The following SUSD4 variants were observed in gnomAD, a reference collection of about 807,000 sequenced individuals.
SUSD4 encodes sushi domain containing 4.
Under a neutral mutation model 50.5 loss-of-function variants are expected in SUSD4, and 41 were observed. The ratio of observed to expected loss-of-function variants is 0.81; its 90% CI spans 0.63 to 1.05. SUSD4 has a LOEUF of 1.05. SUSD4 is among the 50% of genes least tolerant of loss of function. SUSD4 has a pLI of 0.00. For missense variants in SUSD4, 580 were observed against 634.7 expected, an observed-to-expected ratio of 0.91 and a Z score of 0.93; for synonymous variants, 257 against 257.3, an observed-to-expected ratio of 1.00 and a Z score of 0.01.
chr1:223,240,207 T>G (rs1024218000), intron 5 of SUSD4, among the ~76,000 whole-genome samples: 1 of 152,074 alleles, frequency 6.6e-6, no homozygotes, highest in Non-Finnish European at 1.5e-5. Flanking sequence ...CTTTCAGAAT[T>G]TTTTTATTTT....
chr1:223,337,997 T>C (rs1462390798), intron 2 of SUSD4, among the ~76,000 whole-genome samples: 2 of 152,246 alleles, frequency 1.3e-5, no homozygotes, highest in African/African-American at 4.8e-5. Flanking sequence ...AGCTATTTTT[T>C]ATTTCTTTAA....
chr1:223,233,443 C>G (rs182061993), intron 5 of SUSD4, among the ~76,000 whole-genome samples: 6 of 152,258 alleles, frequency 3.9e-5, no homozygotes, highest in African/African-American at 1.4e-4. Flanking sequence ...GCTTAGGGGA[C>G]TTCCACCTCT....
chr1:223,304,140 G>A (rs991606518), intron 2 of SUSD4, among the ~76,000 whole-genome samples: 3 of 152,166 alleles, frequency 2.0e-5, no homozygotes, highest in African/African-American at 4.8e-5. Context: ...TCATGCGTCC[G>A]TTTATAGGCT....
chr1:223,224,210 G>C (rs560818892), intron 7 of SUSD4, among the ~76,000 whole-genome samples: 2 of 152,292 alleles, frequency 1.3e-5, no homozygotes, highest in African/African-American at 4.8e-5. Context: ...GGTGGCACGT[G>C]CCTGTAGCCC....
Position 223,228,914 on chromosome 1 carries a change from G to A in SUSD4, c.916+283C>T, listed in dbSNP as rs115890712. Among the ~76,000 whole-genome samples the A allele has an allele frequency of 2.5e-3, 382 of 151,876 alleles. 2 individuals are homozygous for A. Among genetic ancestry groups the A allele is most frequent in the African/African-American group, 8.8e-3 (364 of 41,466 alleles). ...CAGCTTTTTAACCTGGGAATGGACAGGTTAATACTCCTGACCCTCTGAATA... is the reference window on the plus strand; with the variant it reads ...CAGCTTTTTAACCTGGGAATGGACAAGTTAATACTCCTGACCCTCTGAATA... On this transcript the variant is annotated intron_variant, in intron 6 of 8. Transcript: ENST00000366878.
At chr1:223,292,676 G>A (rs1394600068) in intron 2 of SUSD4, 25 bp from the exon 3 acceptor site, 13 of 1,610,848 alleles carry the variant, frequency 8.1e-6, no homozygotes, top group Admixed American at 1.7e-5. Flanking sequence ...AGAGGAAAAG[G>A]TGCCTATGAA....
chr1:223,349,487 A>G (rs1431696945), intron 2 of SUSD4, among the ~76,000 whole-genome samples: 2 of 152,162 alleles, frequency 1.3e-5, no homozygotes, highest in Non-Finnish European at 2.9e-5. Context: ...ATGGCCCTGT[A>G]ATTTGGGAAA....
intron 2 of SUSD4, among the ~76,000 whole-genome samples, chr1:223,355,666 T>G (rs1668623171): frequency 6.6e-6 from 1 of 152,194 alleles, no homozygotes; most frequent in Non-Finnish European, 1.5e-5. Flanking sequence ...AATGCATGAG[T>G]GACCCTCCTT....
At chr1:223,316,542 G>A (rs545424823) in intron 2 of SUSD4, among the ~76,000 whole-genome samples, 1 of 152,236 alleles carries the variant, frequency 6.6e-6, no homozygotes, top group East Asian at 1.9e-4. Context: ...TGCCCCTGGA[G>A]AAGCCCGTTG....
chr1:223,276,345 C>T (rs1444520468), intron 3 of SUSD4, among the ~76,000 whole-genome samples: 2 of 152,180 alleles, frequency 1.3e-5, no homozygotes, highest in Non-Finnish European at 2.9e-5. Flanking sequence ...CCTCCACAGC[C>T]CCTGTACAGA....
chr1:223,321,362 T>A (rs1338256413), intron 2 of SUSD4, among the ~76,000 whole-genome samples: 1 of 152,204 alleles, frequency 6.6e-6, no homozygotes, highest in Admixed American at 6.5e-5. Context: ...AGGTCTCAGT[T>A]TTCTCATCTA....
intron 2 of SUSD4, among the ~76,000 whole-genome samples, chr1:223,301,224 A>G (rs372521709): frequency 1.6e-4 from 24 of 152,216 alleles, no homozygotes; most frequent in African/African-American, 5.1e-4. Context: ...GGAATATTTA[A>G]TGATTCAATA....
intron 5 of SUSD4, among the ~76,000 whole-genome samples, chr1:223,254,567 G>C (rs1284638573): frequency 6.6e-6 from 1 of 152,022 alleles, no homozygotes; most frequent in African/African-American, 2.4e-5. Context: ...GAAAACGCAA[G>C]AGAAAAAGAG....
chr1:223,312,237 T>C (rs183068939), intron 2 of SUSD4, among the ~76,000 whole-genome samples: 25 of 152,266 alleles, frequency 1.6e-4, no homozygotes, highest in African/African-American at 5.5e-4. Context: ...CAAAGTTCAA[T>C]AGGAAGAAAA....
At chr1:223,346,713 T>A (rs921069696) in intron 2 of SUSD4, among the ~76,000 whole-genome samples, 8 of 152,208 alleles carry the variant, frequency 5.3e-5, no homozygotes, top group Non-Finnish European at 1.2e-4. Context: ...AAAGCTGCTG[T>A]GAGGCTCAGT....
intron 5 of SUSD4, among the ~76,000 whole-genome samples, chr1:223,258,733 C>T (rs1042493964): frequency 1.3e-5 from 2 of 152,178 alleles, no homozygotes; most frequent in African/African-American, 4.8e-5. Flanking sequence ...GCAGATCCTA[C>T]AGTGATGTAT....
chr1:223,353,806 C>A (rs1161843377), intron 2 of SUSD4, among the ~76,000 whole-genome samples: 1 of 152,086 alleles, frequency 6.6e-6, no homozygotes, highest in Non-Finnish European at 1.5e-5. Flanking sequence ...TGACAGACCC[C>A]TCTGCTCAAT....
In SUSD4 at chr1:223,335,430, G is replaced by A. The variant is rs367834967; in HGVS notation, c.148+27848C>T. Among the ~76,000 whole-genome samples the A allele has an allele frequency of 4.1e-5, 6 of 145,524 alleles. No individual in the cohort carries two copies. The South Asian group carries it at 9.2e-4, about 22-fold the overall frequency. On this transcript the variant is annotated intron_variant, in intron 2 of 8. Transcript: ENST00000366878. Reference sequence around the variant, plus strand: ...GTTCAGTGTGAACAAAAGGCATTTCGAACAGCCAAATCTTAAAATATTTAC... The same window carrying A: ...GTTCAGTGTGAACAAAAGGCATTTCAAACAGCCAAATCTTAAAATATTTAC...
At chr1:223,262,872 A>G (rs933011448) in intron 5 of SUSD4, among the ~76,000 whole-genome samples, 2 of 152,210 alleles carry the variant, frequency 1.3e-5, no homozygotes, top group Non-Finnish European at 2.9e-5. Flanking sequence ...GGGTTTTCCC[A>G]TCTACTCATA....
Sources: allele counts gnomAD v4.1 joint callset (sites outside exome capture counted in the v4.1 genomes callset), GRCh38; gene constraint gnomAD v4.1.1; transcripts MANE v1.5; gene names NCBI Gene and HGNC (gene_info 2026-07-23, HGNC 2026-07-21).